Variants in NEGR1 observed in about 807,000 individuals in gnomAD.
NEGR1 encodes the protein neuronal growth regulator 1, also known as IgLON family member 4.
Under a neutral mutation model 40.9 loss-of-function variants are expected in NEGR1, and 10 were observed. That is an observed-to-expected ratio of 0.24 (90% CI 0.15 to 0.42). The LOEUF is 0.42. Ranked by LOEUF, NEGR1 falls within the 10% of genes least tolerant of loss-of-function variation. The pLI is 1.00. For synonymous variants in NEGR1, 185 were observed against 166.8 expected, an observed-to-expected ratio of 1.11 and a Z score of -0.84; for missense variants, 352 against 438.9, an observed-to-expected ratio of 0.80 and a Z score of 1.77.
At chr1:71,414,631 A>G (rs1302747110) in intron 6 of NEGR1, among the ~76,000 whole-genome samples, 2 of 152,166 alleles carry the variant, frequency 1.3e-5, no homozygotes, top group Admixed American at 1.3e-4. Context: ...CATCTCATGT[A>G]CCACCTCACA....
intron 6 of NEGR1, among the ~76,000 whole-genome samples, chr1:71,504,009 T>C (rs1647015579): frequency 6.7e-6 from 1 of 148,568 alleles, no homozygotes; most frequent in South Asian, 2.2e-4. Context: ...AACAAAGAGC[T>C]CACTCATAGG....
intron 1 of NEGR1, among the ~76,000 whole-genome samples, chr1:72,258,531 A>G (rs1435673517): frequency 6.6e-6 from 1 of 152,178 alleles, no homozygotes; most frequent in Admixed American, 6.5e-5. Context: ...GAAAAGAAGA[A>G]ATACATTATA....
intron 1 of NEGR1, among the ~76,000 whole-genome samples, chr1:72,138,851 T>C (rs369663616): frequency 6.6e-6 from 1 of 152,016 alleles, no homozygotes; most frequent in African/African-American, 2.4e-5. Context: ...ACCAACTTTA[T>C]ATAATTTCAC....
In NEGR1 at chr1:71,722,257, C is replaced by T. The variant is rs865840024; in HGVS notation, c.536-24118G>A. On this transcript the variant is annotated intron_variant, in intron 3 of 6. Transcript: ENST00000357731. The stretch of plus-strand genomic sequence containing the variant: ...CAAATAGAATGTTTTCTTCCCATTC[C>T]CTTCCCTTGTACATAGACCACCTCC... 8.6e-5 allele frequency among the ~76,000 whole-genome samples: 13 copies of T among 152,018 alleles called. No individual in the cohort carries two copies. In the South Asian group the frequency reaches 1.0e-3, roughly 12 times the overall value.
At chr1:71,798,898 G>A (rs1212258205) in intron 2 of NEGR1, among the ~76,000 whole-genome samples, 1 of 152,114 alleles carries the variant, frequency 6.6e-6, no homozygotes, top group African/African-American at 2.4e-5. Context: ...AGACTGGGGT[G>A]TAAACAGTTT....
intron 1 of NEGR1, among the ~76,000 whole-genome samples, chr1:71,942,810 T>C (rs1322115548): frequency 3.3e-5 from 5 of 149,808 alleles, no homozygotes; most frequent in African/African-American, 9.8e-5. Flanking sequence ...CCTAAATCTA[T>C]ATTTTTTAAG....
intron 1 of NEGR1, among the ~76,000 whole-genome samples, chr1:72,241,004 G>A (rs753665018): frequency 2.0e-5 from 3 of 151,764 alleles, no homozygotes; most frequent in African/African-American, 7.2e-5. Flanking sequence ...TGCATTGACA[G>A]GATTAAAGTC....
chr1:71,986,275 G>A (rs1646393009), intron 1 of NEGR1, among the ~76,000 whole-genome samples: 1 of 152,156 alleles, frequency 6.6e-6, no homozygotes, highest in Non-Finnish European at 1.5e-5. Flanking sequence ...ACCACAGCTG[G>A]TCATTAATCT....
intron 1 of NEGR1, among the ~76,000 whole-genome samples, chr1:72,256,539 C>A (rs1486467103): frequency 6.6e-6 from 1 of 152,080 alleles, no homozygotes; most frequent in Non-Finnish European, 1.5e-5. Flanking sequence ...ATTATAATCA[C>A]CCTAACCATG....
intron 4 of NEGR1, among the ~76,000 whole-genome samples, chr1:71,684,501 C>CGT (rs147250387): frequency 7.9e-5 from 12 of 151,186 alleles, no homozygotes; most frequent in Middle Eastern, 3.5e-3. Context: ...TTTTTGTGTG[C>CGT]GTGTGTGTGT....
chr1:72,076,112 C>G (rs1034831885), intron 1 of NEGR1, among the ~76,000 whole-genome samples: 4 of 152,210 alleles, frequency 2.6e-5, no homozygotes, highest in Non-Finnish European at 4.4e-5. Flanking sequence ...AATAGAGAAG[C>G]ATTTGTTACA....
chr1:72,041,431 C>CT (rs35706358), intron 1 of NEGR1, among the ~76,000 whole-genome samples: 1,469 of 123,390 alleles, frequency 0.012, 35 homozygotes, highest in African/African-American at 0.041. Flanking sequence ...CTTCTGTAGG[C>CT]TTTTTTTTTT....
chr1:72,034,242 C>T (rs1486173869), intron 1 of NEGR1, among the ~76,000 whole-genome samples: 2 of 152,220 alleles, frequency 1.3e-5, no homozygotes, highest in Non-Finnish European at 2.9e-5. Flanking sequence ...CAAAACCACA[C>T]AGGTGTGTTA....
At chr1:71,898,870 T>C (rs112058152) in intron 2 of NEGR1, among the ~76,000 whole-genome samples, 2 of 78,372 alleles carry the variant, frequency 2.6e-5, no homozygotes, top group South Asian at 8.1e-4. Context: ...ATTGCAAATA[T>C]ATATATTGCA....
chr1:71,863,149 A>G (rs961168303), intron 2 of NEGR1, among the ~76,000 whole-genome samples: 10 of 152,146 alleles, frequency 6.6e-5, no homozygotes, highest in African/African-American at 2.4e-4. Context: ...ACATGCATGC[A>G]TATGTTCATT....
chr1:71,590,039 C>T (rs528007045), intron 6 of NEGR1, among the ~76,000 whole-genome samples: 2 of 152,166 alleles, frequency 1.3e-5, no homozygotes, highest in African/African-American at 2.4e-5. Flanking sequence ...TTTACATGAG[C>T]GGTTCAACAC....
intron 3 of NEGR1, among the ~76,000 whole-genome samples, chr1:71,742,610 C>G (rs1002409959): frequency 6.6e-6 from 1 of 151,548 alleles, no homozygotes; most frequent in African/African-American, 2.4e-5. Context: ...TATCCTATGT[C>G]TGTCCTGCCA....
At chr1:71,564,232 G>A (rs1427718583) in intron 6 of NEGR1, among the ~76,000 whole-genome samples, 7 of 151,998 alleles carry the variant, frequency 4.6e-5, no homozygotes, top group African/African-American at 1.7e-4. Context: ...TCTAGGATGA[G>A]TAGCCCCTTG....
chr1:72,209,692 T>C (rs1409397803), intron 1 of NEGR1, among the ~76,000 whole-genome samples: 1 of 151,902 alleles, frequency 6.6e-6, no homozygotes, highest in East Asian at 1.9e-4. Context: ...TATTTACTTC[T>C]TTTAACATTG....
Sources: gnomAD v4.1 joint callset for allele counts (sites outside exome capture counted in the v4.1 genomes callset) on GRCh38, gnomAD v4.1.1 for gene constraint, MANE v1.5 for transcripts, NCBI Gene and HGNC (gene_info 2026-07-23, HGNC 2026-07-21) for gene names.